The following ANP32A variants were observed in gnomAD, a reference collection of about 807,000 sequenced individuals.
ANP32A encodes acidic nuclear phosphoprotein 32 family member A.
A neutral mutation model predicts 33.9 loss-of-function variants in ANP32A; 1 was observed. That is an observed-to-expected ratio of 0.03 (90% CI 0.01 to 0.14). The LOEUF (loss-of-function observed/expected upper bound fraction) is 0.14. ANP32A is among the 10% of genes least tolerant of loss of function. ANP32A has a pLI of 1.00. For synonymous variants in ANP32A, 115 were observed against 120.5 expected (o/e 0.95, Z 0.30); for missense variants, 155 against 306.0 (o/e 0.51, Z 3.68).
intron 3 of ANP32A, among the ~76,000 whole-genome samples, chr15:68,786,321 G>A (rs904585787): frequency 7.0e-6 from 1 of 142,238 alleles, no homozygotes; most frequent in South Asian, 2.3e-4. Flanking sequence ...GTGCAGTGAC[G>A]CGATCTCAGC....
intron 1 of ANP32A, among the ~76,000 whole-genome samples, chr15:68,804,754 C>T (rs909564175): frequency 6.6e-6 from 1 of 152,238 alleles, no homozygotes; most frequent in Non-Finnish European, 1.5e-5. Flanking sequence ...GCCTCGTGAT[C>T]CACCTGCCTC....
At chr15:68,817,383 A>G (rs1258813978) in intron 1 of ANP32A, 1 of 152,326 alleles carries the variant, frequency 6.6e-6, no homozygotes, top group African/African-American at 2.4e-5. Flanking sequence ...AGCTCGACCT[A>G]CCTTCCCGGA....
intron 1 of ANP32A, among the ~76,000 whole-genome samples, chr15:68,808,047 G>A (rs1422252470): frequency 6.6e-6 from 1 of 152,170 alleles, no homozygotes; most frequent in Non-Finnish European, 1.5e-5. Flanking sequence ...GCAGGTCAAG[G>A]AGCGGATCCC....
Position 68,820,632 on chromosome 15 carries a change from G to GCACGCA in ANP32A, c.54+65_54+66insTGCGTG, listed in dbSNP as rs1894461012. 7.4e-6 allele frequency: 7 copies of GCACGCA among 944,424 alleles called. No homozygotes were observed. The South Asian group carries it at 1.2e-4, about 16-fold the overall frequency. The allele number at this position is 944,424 out of a possible 1,614,324, so 58.5% of individuals were successfully genotyped here. A position where few individuals can be genotyped will look rare whatever the true frequency, so the allele number is the denominator to read the frequency against. On this transcript the variant is annotated intron_variant, in intron 1 of 6. Coordinates refer to ENST00000465139, the MANE Select transcript of ANP32A (RefSeq NM_006305.4). ...CAAAAAAAGTGCCTCCCCCCAGCGC[G>GCACGCA]CACACACACACACACACACAAAGTA... is the stretch of plus-strand genomic sequence containing the variant.
rs1893827299 is a variant in ANP32A, at chr15:68,778,882, C to T, written c.*1199G>A. On this transcript the variant is annotated 3_prime_UTR_variant, in exon 7 of 7. Transcript: ENST00000465139. ...TTGAAAAGATCAATGGCCTGTTGGA[C>T]TCAAAGAAGCCATCCCCAAAAAAAT... The T allele has an allele frequency of 2.0e-5, 3 of 152,112 alleles. No homozygotes were observed. Among genetic ancestry groups the T allele is most frequent in the Non-Finnish European group, 4.4e-5 (3 of 68,024 alleles). 9.4% of individuals were successfully genotyped at this position (152,112 alleles called of 1,614,324 possible). A position where few individuals can be genotyped will look rare whatever the true frequency, so the allele number is the denominator to read the frequency against.
intron 1 of ANP32A, chr15:68,818,158 C>A: frequency 6.2e-6 from 1 of 161,618 alleles, no homozygotes; most frequent in South Asian, 1.4e-4. Flanking sequence ...CGCCCCGCGC[C>A]ACATGGAGCC....
chr15:68,820,843 G>T lies in ANP32A; in HGVS notation c.-92C>A. On this transcript the variant is annotated 5_prime_UTR_variant, in exon 1 of 7. Transcript: ENST00000465139. ...CGGCCGCGCGTTTTAGGACTTTGAAGGCTCAACCAGCTCCGCTCGGTTCTC... is the reference window on the plus strand; with the variant it reads ...CGGCCGCGCGTTTTAGGACTTTGAATGCTCAACCAGCTCCGCTCGGTTCTC... 1 of 1,480,826 alleles carries T rather than the reference G, an allele frequency of 6.8e-7. No individual in the cohort carries two copies. The highest frequency in any genetic ancestry group is 9.4e-7 in the Non-Finnish European group (1 of 1,067,398). 91.7% of individuals were successfully genotyped at this position (1,480,826 alleles called of 1,614,324 possible).
At chr15:68,782,924 G>A in intron 5 of ANP32A, 32 bp downstream of exon 5, 1 of 1,550,516 alleles carries the variant, frequency 6.4e-7, no homozygotes, top group Admixed American at 2.0e-5. Flanking sequence ...CAAAGGGGCA[G>A]ACGGTGGCCC....
intron 1 of ANP32A, among the ~76,000 whole-genome samples, chr15:68,815,590 T>C (rs114677538): frequency 0.016 from 2,400 of 152,324 alleles, 58 homozygotes; most frequent in African/African-American, 0.048. Context: ...AGTTATAGTT[T>C]GGTGATTGCT....
rs530923484 is a variant in ANP32A, at chr15:68,805,301, G to A, written c.54+15397C>T. The stretch of plus-strand genomic sequence containing the variant: ...TGGTACAAAATTGGGCGGTGTCTCC[G>A]CCTAGGCAGGAAAAACACCAGCTCC... On this transcript the variant is annotated intron_variant, in intron 1 of 6. Coordinates refer to ENST00000465139, the MANE Select transcript of ANP32A (RefSeq NM_006305.4). 4.6e-5 allele frequency among the ~76,000 whole-genome samples: 7 copies of A among 152,360 alleles called. No individual in the cohort carries two copies. The East Asian group carries it at 7.7e-4, about 17-fold the overall frequency.
chr15:68,800,579 C>T (rs1596070041), intron 1 of ANP32A, among the ~76,000 whole-genome samples: 1 of 149,738 alleles, frequency 6.7e-6, no homozygotes, highest in Non-Finnish European at 1.5e-5. Context: ...CCCGACTCTA[C>T]TAAAAATACA....
At position 68,820,875 on chromosome 15, in the gene ANP32A, C is replaced by A. The variant is rs1894466394; in HGVS notation, c.-124G>T. 2.6e-6 allele frequency: 3 copies of A among 1,168,182 alleles called. No individual in the cohort carries two copies. The highest frequency in any genetic ancestry group is 2.5e-6 in the Non-Finnish European group (2 of 806,670). 72.4% of individuals were successfully genotyped at this position (1,168,182 alleles called of 1,614,324 possible). A position where few individuals can be genotyped will look rare whatever the true frequency, so the allele number is the denominator to read the frequency against. ...CCAGCTCCGCTCGGTTCTCGAGCCC[C>A]CAGCACCCGCGGCGCACACTAACCT... On this transcript the variant is annotated 5_prime_UTR_variant, in exon 1 of 7. Transcript: ENST00000465139.
At chr15:68,818,259 A>C (rs955109615) in intron 1 of ANP32A, 3 of 275,328 alleles carry the variant, frequency 1.1e-5, no homozygotes, top group South Asian at 2.7e-5. Context: ...TGCTCGTCCT[A>C]TTTCGGCGTC....
intron 5 of ANP32A, chr15:68,782,666 T>G: frequency 4.7e-6 from 2 of 426,872 alleles, no homozygotes; most frequent in Non-Finnish European, 8.6e-6. Context: ...GGGCCATGCA[T>G]TCTGTACTTC....
intron 3 of ANP32A, among the ~76,000 whole-genome samples, chr15:68,786,430 T>C (rs954343698): frequency 1.2e-4 from 19 of 152,140 alleles, no homozygotes; most frequent in Admixed American, 5.2e-4. Context: ...GGGCTAATTT[T>C]TGTATTTTTA....
chr15:68,810,195 T>C (rs1004960098), intron 1 of ANP32A, among the ~76,000 whole-genome samples: 1 of 152,194 alleles, frequency 6.6e-6, no homozygotes, highest in Non-Finnish European at 1.5e-5. Flanking sequence ...AGCACCTTGT[T>C]GGTCTTATTA....
intron 1 of ANP32A, chr15:68,791,599 C>T (rs1230247427): frequency 6.5e-6 from 1 of 152,736 alleles, no homozygotes; most frequent in Non-Finnish European, 1.5e-5. Context: ...AGAGAGGGGC[C>T]TGGGACCCTG....
chr15:68,782,729 T>C (rs1271641524), intron 5 of ANP32A: 2 of 747,220 alleles, frequency 2.7e-6, no homozygotes, highest in Non-Finnish European at 4.1e-6. Flanking sequence ...TCCCTGCCTC[T>C]AAAATCCTCT....
At chr15:68,783,110 C>A in intron 4 of ANP32A, 57 bp from the exon 5 acceptor site, 2 of 1,547,778 alleles carry the variant, frequency 1.3e-6, no homozygotes, top group Non-Finnish European at 1.7e-6. Flanking sequence ...GCTCCGCCCC[C>A]CACACAGCAC....
Sources: gnomAD v4.1 joint callset for allele counts (sites outside exome capture counted in the v4.1 genomes callset) on GRCh38, gnomAD v4.1.1 for gene constraint, MANE v1.5 for transcripts, NCBI Gene and HGNC (gene_info 2026-07-23, HGNC 2026-07-21) for gene names.